The following SIRPD variants were observed in gnomAD, a reference collection of about 807,000 sequenced individuals.
SIRPD encodes the protein signal regulatory protein delta, also known as signal-regulatory protein delta.
In SIRPD, 21 loss-of-function variants were observed where a neutral mutation model predicts 18.0. That is an observed-to-expected ratio of 1.17 (90% confidence interval 0.83 to 1.68). The LOEUF (loss-of-function observed/expected upper bound fraction) is 1.68. Among genes scored for constraint, SIRPD ranks in the 40% most tolerant of loss-of-function variants. The pLI is 0.00. For synonymous variants in SIRPD, 106 were observed against 92.9 expected (o/e 1.14, Z -0.81); for missense variants, 295 against 238.4 (o/e 1.24, Z -1.56).
At chr20:1,541,560 T>C (rs2090971557) in intron 2 of SIRPD, among the ~76,000 whole-genome samples, 1 of 152,226 alleles carries the variant, frequency 6.6e-6, no homozygotes, top group Admixed American at 6.5e-5. Context: ...ATGGATAGAT[T>C]GCAAAAATTT....
chr20:1,557,235 A>G (rs2091045408), intron 1 of SIRPD, among the ~76,000 whole-genome samples: 2 of 152,190 alleles, frequency 1.3e-5, no homozygotes, highest in South Asian at 4.1e-4. Flanking sequence ...CCTAGGTGAC[A>G]GAGTGAGACC....
rs1163872478 is a variant in SIRPD, at chr20:1,551,710, G to A, written c.402C>T (p.Gly134=). 1 of 1,613,380 alleles carries A rather than the reference G, an allele frequency of 6.2e-7. No homozygotes were observed. The highest frequency in any genetic ancestry group is 1.1e-5 in the South Asian group (1 of 91,030). The change falls in exon 2 of 4, where the codon GGC becomes GGT. Residue 134 remains glycine (G), a synonymous_variant. Transcript: ENST00000381623. The part of the protein sequence containing the change: ...RAIKEYQSGR[G]TQVFVTEQNP... ...ACTCACCAGTAACAAACACCTGAGT[G>A]CCCCGACCTGATTGGTACTCCTTGA...
In SIRPD at chr20:1,534,313, G is replaced by T. The variant is rs150942807; in HGVS notation, c.*112C>A. On this transcript the variant is annotated 3_prime_UTR_variant, in exon 4 of 4. Transcript: ENST00000381623. ...AAGCTGGCATTTTATGTCAGTGGAA[G>T]AAAGCTCTCTTGAAGAAGGCAAATG... 93 of 1,449,122 alleles carry T rather than the reference G, an allele frequency of 6.4e-5. No homozygotes were observed. The African/African-American group carries it at 1.2e-3, about 19-fold the overall frequency. The allele number at this position is 1,449,122 out of a possible 1,614,324, so 89.8% of individuals were successfully genotyped here.
At chr20:1,556,896 A>C (rs2091043532) in intron 1 of SIRPD, among the ~76,000 whole-genome samples, 1 of 152,238 alleles carries the variant, frequency 6.6e-6, no homozygotes, top group Non-Finnish European at 1.5e-5. Flanking sequence ...AGTACTTTTT[A>C]AGAGCAGCCA....
At chr20:1,554,162 A>G (rs184945499) in intron 1 of SIRPD, 18 of 152,786 alleles carry the variant, frequency 1.2e-4, no homozygotes, top group Admixed American at 6.5e-4. Context: ...TCCTGGCCCA[A>G]TGCTCTTGAA....
rs1474030007 is a variant in SIRPD at position 1,537,292 on chromosome 20, G to C, written c.440C>G (p.Pro147Arg). ...VFVTEQNPRP[P>R]KNRPAGRAGS... Reference sequence around the variant, plus strand: ...TGCTCTGCCTGCAGGTCTGTTCTTGGGAGGTCTTGGATTCTGCTCTGCTGA... The same window carrying C: ...TGCTCTGCCTGCAGGTCTGTTCTTGCGAGGTCTTGGATTCTGCTCTGCTGA... The change falls in exon 3 of 4, where the codon CCC (proline) becomes CGC (arginine). Residue 147 changes from proline (P) to arginine (R), a missense_variant. By Grantham distance (103) the Pro-to-Arg change is moderately radical. Transcript: ENST00000381623. The C allele has an allele frequency of 6.2e-7, 1 of 1,613,956 alleles. No individual in the cohort carries two copies. Among genetic ancestry groups the C allele is most frequent in the African/African-American group, 1.3e-5 (1 of 74,900 alleles).
Position 1,537,181 on chromosome 20 carries a change from C to A in SIRPD, c.551G>T (p.Cys184Phe). The A allele has an allele frequency of 3.7e-6, 6 of 1,614,052 alleles. No homozygotes were observed. The highest frequency in any genetic ancestry group is 4.2e-6 in the Non-Finnish European group (5 of 1,179,960). The part of the protein sequence containing the change: ...NSTNYFVQPC[C>F]CLRLLGLTGL... ...TGTGAGTCCCAGCAGCCGGAGGCAG[C>A]AGCAGGGTTGGACGAAATAGTTTGT... Residue 184 changes from cysteine (C) to phenylalanine (F), a missense_variant, in exon 3 of 4, where the codon TGC becomes TTC. Physicochemically the swap from Cys to Phe is radical, Grantham distance 205. Transcript: ENST00000381623.
chr20:1,543,953 AT>A (rs1158635845), intron 2 of SIRPD, among the ~76,000 whole-genome samples: 4 of 152,144 alleles, frequency 2.6e-5, no homozygotes, highest in African/African-American at 9.7e-5. Flanking sequence ...CTGAGTTCTA[AT>A]TTGATTGCAC....
intron 2 of SIRPD, among the ~76,000 whole-genome samples, chr20:1,545,973 C>T (rs1568668318): frequency 6.6e-6 from 1 of 152,234 alleles, no homozygotes; most frequent in Admixed American, 6.5e-5. Flanking sequence ...AGATTGCTGC[C>T]TGCTCCTTCC....
At chr20:1,544,809 C>G (rs996200895) in intron 2 of SIRPD, among the ~76,000 whole-genome samples, 1 of 152,088 alleles carries the variant, frequency 6.6e-6, no homozygotes, top group African/African-American at 2.4e-5. Flanking sequence ...GTAAGGCAGG[C>G]CTGGTGGTGA....
intron 1 of SIRPD, 115 bp from the exon 2 acceptor site, chr20:1,552,153 G>T: frequency 1.2e-6 from 1 of 843,984 alleles, no homozygotes; most frequent in Non-Finnish European, 1.8e-6. Flanking sequence ...AAATGCCCAT[G>T]CATTGAGTAA....
At position 1,537,205 on chromosome 20, in the gene SIRPD, G is replaced by C; in HGVS notation, c.527C>G (p.Thr176Arg). ...CLSALPERNS[T>R]NYFVQPCCCL... ...GCAGCAGGGTTGGACGAAATAGTTT[G>C]TGCTGTTTCTCTCAGGCAGGGCCGA... Residue 176 changes from threonine to arginine, a missense_variant, in exon 3 of 4, where the codon ACA becomes AGA. Coordinates refer to ENST00000381623, the MANE Select transcript of SIRPD (RefSeq NM_178460.3). 1 of 1,614,104 alleles carries C rather than the reference G, an allele frequency of 6.2e-7. No homozygotes were observed. Among genetic ancestry groups the C allele is most frequent in the Non-Finnish European group, 8.5e-7 (1 of 1,180,010 alleles).
chr20:1,549,433 CT>C (rs1465161039), intron 2 of SIRPD, among the ~76,000 whole-genome samples: 1 of 151,020 alleles, frequency 6.6e-6, no homozygotes, highest in African/African-American at 2.4e-5. Context: ...GCATGTCTCA[CT>C]TTTTTTGAAA....
At chr20:1,541,466 C>A (rs2090971006) in intron 2 of SIRPD, among the ~76,000 whole-genome samples, 1 of 152,182 alleles carries the variant, frequency 6.6e-6, no homozygotes, top group Non-Finnish European at 1.5e-5. Flanking sequence ...ATATCCTTCG[C>A]CCACTTTTTG....
intron 1 of SIRPD, 58 bp downstream of exon 1, chr20:1,557,523 T>A: frequency 7.3e-7 from 1 of 1,369,016 alleles, no homozygotes; most frequent in Non-Finnish European, 9.7e-7. Context: ...TGAGGGAGAG[T>A]TCACTAAACA....
intron 2 of SIRPD, among the ~76,000 whole-genome samples, chr20:1,543,849 T>C (rs530076145): frequency 1.3e-5 from 2 of 152,368 alleles, no homozygotes; most frequent in East Asian, 1.9e-4. Flanking sequence ...ACTTATTTAT[T>C]TCTGCCTTAA....
rs73569175 is a variant in SIRPD, at chr20:1,550,767, C to T, written c.421+924G>A. 9.2e-3 allele frequency among the ~76,000 whole-genome samples: 1,394 copies of T among 152,294 alleles called. 22 individuals carry two copies. Among genetic ancestry groups the T allele is most frequent in the African/African-American group, 0.033 (1,359 of 41,564 alleles). ...CTACTATGTACACTCCTGAAATCTC[C>T]CTGAGTTAGGTTCCTCATCTGTACA... On this transcript the variant is annotated intron_variant, in intron 2 of 3. Coordinates refer to ENST00000381623, the MANE Select transcript of SIRPD (RefSeq NM_178460.3).
Position 1,534,268 on chromosome 20 carries a change from G to C in SIRPD, c.*157C>G. 1.0e-6 allele frequency: 1 copy of C among 1,004,444 alleles called. No homozygotes were observed. Among genetic ancestry groups the C allele is most frequent in the Non-Finnish European group, 1.5e-6 (1 of 670,750 alleles). The allele number at this position is 1,004,444 out of a possible 1,614,324, so 62.2% of individuals were successfully genotyped here. On this transcript the variant is annotated 3_prime_UTR_variant, in exon 4 of 4. Coordinates refer to ENST00000381623, the MANE Select transcript of SIRPD (RefSeq NM_178460.3). ...ACCTGGAATTGGACCCAGGTAAATAGACAGATTTATTGTACGATCAAGCTG... is the reference window on the plus strand; with the variant it reads ...ACCTGGAATTGGACCCAGGTAAATACACAGATTTATTGTACGATCAAGCTG...
chr20:1,540,296 A>G (rs1435951851), intron 2 of SIRPD: 1 of 456,064 alleles, frequency 2.2e-6, no homozygotes, highest in Non-Finnish European at 4.4e-6. Context: ...CAGTCCAGAG[A>G]TGCAGATTTC....
Sources: gnomAD v4.1 joint callset for allele counts (sites outside exome capture counted in the v4.1 genomes callset) on GRCh38, gnomAD v4.1.1 for gene constraint, MANE v1.5 for transcripts, NCBI Gene and HGNC (gene_info 2026-07-23, HGNC 2026-07-21) for gene names.